The following UST variants were observed in gnomAD, a reference collection of about 807,000 sequenced individuals.
UST encodes the protein chondroitin sulfate 2-O-sulfotransferase.
UST carries 21 observed loss-of-function variants against 45.6 expected under a neutral mutation model. The observed-to-expected ratio is 0.46, with a 90% CI of 0.33 to 0.66. UST has a LOEUF of 0.66. Ranked by LOEUF, UST falls within the 30% of genes least tolerant of loss-of-function variation. The pLI is 0.02. For synonymous variants in UST, 215 were observed against 200.6 expected, an observed-to-expected ratio of 1.07 and a Z score of -0.61; for missense variants, 463 against 512.4, an observed-to-expected ratio of 0.90 and a Z score of 0.93.
intron 1 of UST, 32 bp from the exon 2 acceptor site, chr6:148,886,954 C>G: frequency 6.3e-7 from 1 of 1,590,710 alleles, no homozygotes; most frequent in Non-Finnish European, 8.6e-7. Flanking sequence ...ATTTAAAAAA[C>G]GGATTCATCA....
chr6:149,003,628 C>T (rs967569629), intron 5 of UST, among the ~76,000 whole-genome samples: 29 of 152,182 alleles, frequency 1.9e-4, no homozygotes, highest in South Asian at 2.1e-4. Flanking sequence ...CTTTTACCTT[C>T]GAAAATGTTT....
chr6:148,774,800 C>T (rs770006048), intron 1 of UST, among the ~76,000 whole-genome samples: 4 of 152,192 alleles, frequency 2.6e-5, no homozygotes, highest in African/African-American at 4.8e-5. Flanking sequence ...GGGCGGATCA[C>T]CTGAGGTCAG....
intron 1 of UST, among the ~76,000 whole-genome samples, chr6:148,842,070 C>T (rs1255952926): frequency 1.3e-5 from 2 of 152,206 alleles, no homozygotes; most frequent in Non-Finnish European, 1.5e-5. Flanking sequence ...CTTACCAATG[C>T]ACTTGAGCCT....
intron 2 of UST, among the ~76,000 whole-genome samples, chr6:148,917,505 G>A (rs114172929): frequency 2.5e-3 from 379 of 152,302 alleles, no homozygotes; most frequent in African/African-American, 8.7e-3. Flanking sequence ...ATTACGTGGC[G>A]TGCTGTTAAA....
chr6:149,048,534 C>CA lies in UST; in HGVS notation c.938-25285dup, dbSNP rs11333695. ...CTGGGCAATAGAGTGAGACTGTCTC[C>CA]AAAAAAAAAAAAAAGAGAGAGAGAG... On this transcript the variant is annotated intron_variant, in intron 7 of 7. Coordinates refer to ENST00000367463, the MANE Select transcript of UST (RefSeq NM_005715.3). Among the ~76,000 whole-genome samples, 242 of 129,564 alleles carry CA rather than the reference C, an allele frequency of 1.9e-3. 3 individuals are homozygous for CA. The highest frequency in any genetic ancestry group is 0.015 in the East Asian group (61 of 3,942). 85.0% of individuals were successfully genotyped at this position (129,564 alleles called of 152,430 possible).
At chr6:148,858,947 C>G (rs565287007) in intron 1 of UST, among the ~76,000 whole-genome samples, 1 of 152,016 alleles carries the variant, frequency 6.6e-6, no homozygotes, top group Admixed American at 6.6e-5. Context: ...TGAATAGTGC[C>G]GCAATAAACA....
At chr6:148,816,947 C>T (rs1276595015) in intron 1 of UST, among the ~76,000 whole-genome samples, 1 of 152,128 alleles carries the variant, frequency 6.6e-6, no homozygotes, top group Non-Finnish European at 1.5e-5. Context: ...AGTCATGGCC[C>T]TTAAGGTCTT....
intron 3 of UST, among the ~76,000 whole-genome samples, chr6:148,945,662 G>A (rs6570913): frequency 0.36 from 54,061 of 152,102 alleles, 10,080 homozygotes; most frequent in South Asian, 0.46. Flanking sequence ...ATCAATTCAC[G>A]ATGATTATTC....
intron 1 of UST, among the ~76,000 whole-genome samples, chr6:148,781,508 A>G (rs1776643576): frequency 6.6e-6 from 1 of 152,230 alleles, no homozygotes; most frequent in African/African-American, 2.4e-5. Flanking sequence ...TCTGGAACAT[A>G]AAAGTGCAAG....
intron 1 of UST, among the ~76,000 whole-genome samples, chr6:148,872,661 G>T (rs1269599051): frequency 6.6e-6 from 1 of 152,150 alleles, no homozygotes; most frequent in South Asian, 2.1e-4. Context: ...ATCTGAACTG[G>T]GTTTTAATGG....
intron 2 of UST, among the ~76,000 whole-genome samples, chr6:148,910,134 CTT>C (rs148286486): frequency 0.035 from 3,562 of 103,148 alleles, 49 homozygotes; most frequent in African/African-American, 0.12. Flanking sequence ...GCCTGGGATG[CTT>C]TTTTTTTTTT....
intron 1 of UST, among the ~76,000 whole-genome samples, chr6:148,881,701 C>T (rs895604182): frequency 6.6e-6 from 1 of 152,144 alleles, no homozygotes; most frequent in Admixed American, 6.5e-5. Flanking sequence ...CTTCCATCCC[C>T]ACAACTTAAC....
chr6:148,917,885 G>A (rs7749073), intron 2 of UST, among the ~76,000 whole-genome samples: 49 of 152,210 alleles, frequency 3.2e-4, no homozygotes, highest in Non-Finnish European at 4.3e-4. Flanking sequence ...CAGGTAGACC[G>A]TGGAACTCAT....
In UST at chr6:148,852,931, G is replaced by T. The variant is rs183364725; in HGVS notation, c.248-34055G>T. Among the ~76,000 whole-genome samples, 5 of 152,296 alleles carry T rather than the reference G, an allele frequency of 3.3e-5. No individual in the cohort carries two copies. In the East Asian group the frequency reaches 7.7e-4, roughly 23 times the overall value. On this transcript the variant is annotated intron_variant, in intron 1 of 7. Transcript: ENST00000367463. ...TGTCACATGACTTTAGTAAATACCTGTTGAATGAATGAGGACACTTGTCTT... is the reference window on the plus strand; with the variant it reads ...TGTCACATGACTTTAGTAAATACCTTTTGAATGAATGAGGACACTTGTCTT...
chr6:148,859,687 G>T (rs1385124618), intron 1 of UST, among the ~76,000 whole-genome samples: 1 of 152,176 alleles, frequency 6.6e-6, no homozygotes, highest in East Asian at 1.9e-4. Flanking sequence ...GTAAGGAAGG[G>T]ATCCAGTTTC....
chr6:148,918,242 C>T (rs1779627078), intron 2 of UST, among the ~76,000 whole-genome samples: 1 of 152,216 alleles, frequency 6.6e-6, no homozygotes, highest in Non-Finnish European at 1.5e-5. Flanking sequence ...ACTGAATGTT[C>T]TTAAGTGAGT....
Position 148,847,292 on chromosome 6 carries a change from G to A in UST, c.248-39694G>A, listed in dbSNP as rs138243013. ...AGTCAAAGTGTCAGCTGGGGCTGTG[G>A]GTGAGTCAAAGCTTGACTGGGGAAG... is the stretch of plus-strand genomic sequence containing the variant. On this transcript the variant is annotated intron_variant, in intron 1 of 7. Coordinates refer to ENST00000367463, the MANE Select transcript of UST (RefSeq NM_005715.3). 5.6e-4 allele frequency among the ~76,000 whole-genome samples: 86 copies of A among 152,334 alleles called. 1 individual carries two copies. Among genetic ancestry groups the A allele is most frequent in the African/African-American group, 1.9e-3 (79 of 41,584 alleles).
intron 5 of UST, among the ~76,000 whole-genome samples, chr6:149,014,489 G>C (rs981905167): frequency 1.3e-5 from 2 of 152,224 alleles, no homozygotes; most frequent in African/African-American, 2.4e-5. Context: ...ACAGGGAAGA[G>C]AGTATGCGAT....
intron 1 of UST, among the ~76,000 whole-genome samples, chr6:148,811,248 T>C (rs1039992968): frequency 4.6e-5 from 7 of 152,186 alleles, no homozygotes; most frequent in African/African-American, 1.7e-4. Context: ...CTGTACATGG[T>C]CCTTCATCTT....
Sources: allele counts gnomAD v4.1 joint callset (sites outside exome capture counted in the v4.1 genomes callset), GRCh38; gene constraint gnomAD v4.1.1; transcripts MANE v1.5; gene names NCBI Gene and HGNC (gene_info 2026-07-23, HGNC 2026-07-21).